PIP5K1B: variants seen among roughly 807,000 people sequenced by gnomAD.
PIP5K1B encodes phosphatidylinositol-4-phosphate 5-kinase type 1 beta, also known as phosphatidylinositol 4-phosphate 5-kinase type-1 beta.
Under a neutral mutation model 67.0 loss-of-function variants are expected in PIP5K1B, and 42 were observed. The observed-to-expected ratio is 0.63, with a 90% CI of 0.49 to 0.81. The LOEUF (loss-of-function observed/expected upper bound fraction) is 0.81. PIP5K1B is among the 30% of genes least tolerant of loss of function. The pLI is 0.00. For missense variants in PIP5K1B, 459 were observed against 646.3 expected (o/e 0.71, Z 3.14); for synonymous variants, 214 against 231.4 (o/e 0.92, Z 0.68).
intron 6 of PIP5K1B, among the ~76,000 whole-genome samples, chr9:68,885,670 T>C (rs1824430876): frequency 1.3e-5 from 2 of 151,986 alleles, no homozygotes; most frequent in South Asian, 2.1e-4. Context: ...ATAATGGACA[T>C]TGAAGACTTA....
chr9:68,725,152 A>G (rs1336375146), intron 1 of PIP5K1B, among the ~76,000 whole-genome samples: 1 of 152,194 alleles, frequency 6.6e-6, no homozygotes, highest in Non-Finnish European at 1.5e-5. Context: ...AGCAGAGTTT[A>G]TCTCCTGGTC....
intron 3 of PIP5K1B, among the ~76,000 whole-genome samples, chr9:68,821,233 G>A (rs1032561741): frequency 2.6e-5 from 4 of 152,210 alleles, no homozygotes; most frequent in African/African-American, 9.7e-5. Flanking sequence ...TCCAGCCTGA[G>A]TGATAAAGTG....
intron 7 of PIP5K1B, 98 bp downstream of exon 7, chr9:68,889,231 C>T (rs893629813): frequency 1.0e-5 from 9 of 867,818 alleles, no homozygotes; most frequent in Non-Finnish European, 1.6e-5. Flanking sequence ...AGGCATGTTT[C>T]TTTCTCTTTG....
intron 2 of PIP5K1B, among the ~76,000 whole-genome samples, chr9:68,749,607 T>C (rs1254398406): frequency 6.6e-6 from 1 of 152,174 alleles, no homozygotes; most frequent in Admixed American, 6.5e-5. Flanking sequence ...TTACAGTTTG[T>C]TTTCCTCCTA....
intron 9 of PIP5K1B, among the ~76,000 whole-genome samples, chr9:68,918,615 G>C (rs1826217640): frequency 6.6e-6 from 1 of 152,174 alleles, no homozygotes; most frequent in Non-Finnish European, 1.5e-5. Context: ...ATGGCAGACT[G>C]CATCAGTTAT....
At chr9:68,845,389 T>G (rs1822136054) in intron 4 of PIP5K1B, among the ~76,000 whole-genome samples, 1 of 152,146 alleles carries the variant, frequency 6.6e-6, no homozygotes, top group African/African-American at 2.4e-5. Flanking sequence ...CGTGGAGCCG[T>G]GGGGGTTCTC....
At chr9:68,750,094 T>C (rs1214842663) in intron 2 of PIP5K1B, among the ~76,000 whole-genome samples, 1 of 152,228 alleles carries the variant, frequency 6.6e-6, no homozygotes, top group East Asian at 1.9e-4. Flanking sequence ...CCTGGCAAAT[T>C]GCAAAGTATT....
At chr9:68,805,644 G>A (rs1013121182) in intron 2 of PIP5K1B, among the ~76,000 whole-genome samples, 1 of 152,066 alleles carries the variant, frequency 6.6e-6, no homozygotes, top group African/African-American at 2.4e-5. Flanking sequence ...TGACACCAGA[G>A]CCTCTTCCTG....
intron 8 of PIP5K1B, among the ~76,000 whole-genome samples, chr9:68,906,502 A>C (rs965311746): frequency 2.0e-5 from 3 of 152,238 alleles, no homozygotes; most frequent in African/African-American, 4.8e-5. Flanking sequence ...ACTTTTCATA[A>C]AAAGGATACA....
intron 8 of PIP5K1B, among the ~76,000 whole-genome samples, chr9:68,915,895 A>G (rs1378629663): frequency 6.6e-6 from 1 of 152,232 alleles, no homozygotes; most frequent in Non-Finnish European, 1.5e-5. Context: ...TATTTCTTGA[A>G]GGCCATATGC....
chr9:68,846,448 A>G (rs868481971), intron 4 of PIP5K1B, among the ~76,000 whole-genome samples: 1 of 152,220 alleles, frequency 6.6e-6, no homozygotes, highest in African/African-American at 2.4e-5. Flanking sequence ...TTTAGAGAGA[A>G]GCCATTTTCC....
intron 8 of PIP5K1B, among the ~76,000 whole-genome samples, chr9:68,902,994 TAAG>T (rs1825438821): frequency 6.6e-6 from 1 of 152,238 alleles, no homozygotes; most frequent in South Asian, 2.1e-4. Context: ...ACAAGATTCC[TAAG>T]AAAAGGCCTG....
In PIP5K1B at chr9:68,894,530, C is replaced by G. The variant is rs1564212431; in HGVS notation, c.663C>G (p.Ser221=). The part of the protein sequence containing the change: ...RRASRKEREK[S]NPTFKDLDFL... ...CATCCCGTAAAGAGAGAGAGAAATC[C>G]AACCCCACATTTAAGGACTTAGATT... Residue 221 remains serine (S), a synonymous_variant, in exon 8 of 16, where the codon TCC becomes TCG. Transcript: ENST00000265382. 2 of 1,614,024 alleles carry G rather than the reference C, an allele frequency of 1.2e-6. No individual in the cohort carries two copies. Among genetic ancestry groups the G allele is most frequent in the Admixed American group, 1.7e-5 (1 of 60,026 alleles).
At chr9:68,830,632 C>G (rs1033447910) in intron 4 of PIP5K1B, among the ~76,000 whole-genome samples, 2 of 152,130 alleles carry the variant, frequency 1.3e-5, no homozygotes, top group Admixed American at 6.5e-5. Context: ...CTCTAAAACG[C>G]GAACTATAGG....
At position 68,917,416 on chromosome 9, in the gene PIP5K1B, C is replaced by T. The variant is rs551392726; in HGVS notation, c.772-132C>T. On this transcript the variant is annotated intron_variant, in intron 8 of 15. Coordinates refer to ENST00000265382, the MANE Select transcript of PIP5K1B (RefSeq NM_003558.4). ...CTCAAGTGTTTTTATTTTGATTCTT[C>T]ATCTCTCAGCCACCCCGCTGGGAGG... The T allele has an allele frequency of 5.7e-5, 40 of 703,770 alleles. No homozygotes were observed. The African/African-American group carries it at 6.7e-4, about 12-fold the overall frequency. 43.6% of individuals were successfully genotyped at this position (703,770 alleles called of 1,614,324 possible). A position where few individuals can be genotyped will look rare whatever the true frequency, so the allele number is the denominator to read the frequency against.
At chr9:68,994,455 G>A (rs1363086192) in intron 15 of PIP5K1B, among the ~76,000 whole-genome samples, 1 of 151,978 alleles carries the variant, frequency 6.6e-6, no homozygotes, top group Non-Finnish European at 1.5e-5. Flanking sequence ...GAGAAAGGTG[G>A]CATTCTTTTA....
chr9:68,932,366 A>G (rs1389605160), intron 12 of PIP5K1B, among the ~76,000 whole-genome samples: 1 of 152,226 alleles, frequency 6.6e-6, no homozygotes, highest in African/African-American at 2.4e-5. Flanking sequence ...TATGTGGGTG[A>G]TAGCTATCTA....
At chr9:68,858,919 G>A (rs138313972) in intron 4 of PIP5K1B, among the ~76,000 whole-genome samples, 2,205 of 152,356 alleles carry the variant, frequency 0.014, 25 homozygotes, top group Non-Finnish European at 0.021. Flanking sequence ...GCTTTTCTAA[G>A]AGATGGTTTG....
chr9:68,846,859 G>A (rs552220944), intron 4 of PIP5K1B, among the ~76,000 whole-genome samples: 1 of 152,288 alleles, frequency 6.6e-6, no homozygotes, highest in South Asian at 2.1e-4. Context: ...AACTGGTAGA[G>A]ATTTGAAAGG....
Sources: allele counts gnomAD v4.1 joint callset (sites outside exome capture counted in the v4.1 genomes callset), GRCh38; gene constraint gnomAD v4.1.1; transcripts MANE v1.5; gene names NCBI Gene and HGNC (gene_info 2026-07-23, HGNC 2026-07-21).